Variants in ABCB1 observed in about 807,000 individuals in gnomAD.
ABCB1 encodes the protein ATP-dependent translocase ABCB1.
In ABCB1, 69 loss-of-function variants were observed where a neutral mutation model predicts 142.0. That is an observed-to-expected ratio of 0.49 (90% confidence interval 0.40 to 0.59). The LOEUF is 0.59. ABCB1 is among the 20% of genes least tolerant of loss of function. The pLI is 0.00. For synonymous variants in ABCB1, 532 were observed against 539.2 expected (o/e 0.99, Z 0.18); for missense variants, 1,326 against 1,554.7 (o/e 0.85, Z 2.47).
At chr7:87,516,067 G>A (rs1168288012) in intron 24 of ABCB1, among the ~76,000 whole-genome samples, 4 of 151,992 alleles carry the variant, frequency 2.6e-5, no homozygotes, top group East Asian at 3.9e-4. Context: ...GCAACATAAC[G>A]AGACCCTGTC....
chr7:87,551,357 TGAGGAGATAGATATGTTAATTAGCTTGC>T (rs1817057322), intron 9 of ABCB1, among the ~76,000 whole-genome samples: 1 of 152,236 alleles, frequency 6.6e-6, no homozygotes, highest in Admixed American at 6.5e-5. Flanking sequence ...AGGTGTCAAG[TGAGGAGATAGATATGTTAATTAGCTTGC>T]TCTGATCACT....
At chr7:87,710,536 T>A in intron 1 of ABCB1, 2 of 1,326,300 alleles carry the variant, frequency 1.5e-6, no homozygotes, top group South Asian at 2.7e-5. Flanking sequence ...TTTTTTAATT[T>A]TTTTTATATT....
intron 4 of ABCB1, among the ~76,000 whole-genome samples, chr7:87,583,306 A>G (rs547156394): frequency 6.6e-6 from 1 of 152,290 alleles, no homozygotes; most frequent in East Asian, 1.9e-4. Flanking sequence ...AATTCCCTAA[A>G]CCTCAAAATT....
At chr7:87,694,752 TGGAAG>T (rs1828347074) in intron 1 of ABCB1, among the ~76,000 whole-genome samples, 1 of 152,030 alleles carries the variant, frequency 6.6e-6, no homozygotes, top group Non-Finnish European at 1.5e-5. Context: ...ATAATGCTGG[TGGAAG>T]GGAAAAAACA....
chr7:87,593,138 G>A lies in ABCB1; in HGVS notation c.117+2628C>T, dbSNP rs146393900. Among the ~76,000 whole-genome samples, 376 of 152,150 alleles carry A rather than the reference G, an allele frequency of 2.5e-3. 2 individuals carry two copies. Among genetic ancestry groups the A allele is most frequent in the Non-Finnish European group, 3.7e-3 (249 of 67,996 alleles). Reference sequence around the variant, plus strand: ...GACAGGGTTTTGTCATGTTGCCCAGGCTGGTCTTGAACTTCAGGGCTCTAG... The same window carrying A: ...GACAGGGTTTTGTCATGTTGCCCAGACTGGTCTTGAACTTCAGGGCTCTAG... On this transcript the variant is annotated intron_variant, in intron 3 of 27. Coordinates refer to ENST00000622132, the MANE Select transcript of ABCB1 (RefSeq NM_001348946.2).
At chr7:87,570,363 A>G in intron 4 of ABCB1, 140 bp from the exon 5 acceptor site, 1 of 832,580 alleles carries the variant, frequency 1.2e-6, no homozygotes. Flanking sequence ...AATTGTGTGT[A>G]AGCATTATGG....
intron 3 of ABCB1, among the ~76,000 whole-genome samples, chr7:87,590,620 A>C (rs1818962541): frequency 6.6e-6 from 1 of 152,234 alleles, no homozygotes; most frequent in Non-Finnish European, 1.5e-5. Flanking sequence ...AAAGGTACTT[A>C]GGTAAAAACC....
intron 14 of ABCB1, among the ~76,000 whole-genome samples, chr7:87,549,014 T>G (rs1356170026): frequency 1.3e-5 from 2 of 152,208 alleles, no homozygotes; most frequent in South Asian, 4.1e-4. Context: ...AACAGGGTTA[T>G]CCACATAGTC....
In ABCB1 at chr7:87,633,930, T is replaced by A. The variant is rs563897831; in HGVS notation, c.-330-32852A>T. Among the ~76,000 whole-genome samples, 32 of 152,302 alleles carry A rather than the reference T, an allele frequency of 2.1e-4. No homozygotes were observed. In the East Asian group the frequency reaches 2.3e-3, roughly 11 times the overall value. On this transcript the variant is annotated intron_variant, in intron 1 of 28. Transcript: ENST00000265724. Reference sequence around the variant, plus strand: ...AAAAGAGGTTTATTTAGCTAACAGTTCTGTAGGTTGTACAAAAACCGTGGC... The same window carrying A: ...AAAAGAGGTTTATTTAGCTAACAGTACTGTAGGTTGTACAAAAACCGTGGC...
chr7:87,546,906 CT>C (rs990005714), intron 14 of ABCB1, among the ~76,000 whole-genome samples: 1 of 152,156 alleles, frequency 6.6e-6, no homozygotes, highest in African/African-American at 2.4e-5. Context: ...GTATTTACTT[CT>C]TAGAGTAGTT....
chr7:87,681,831 C>T (rs1563129669), intron 1 of ABCB1, among the ~76,000 whole-genome samples: 1 of 152,126 alleles, frequency 6.6e-6, no homozygotes, highest in African/African-American at 2.4e-5. Flanking sequence ...AGCAAGACCC[C>T]ATCTCAACAA....
rs1017877229 is a variant in ABCB1, at chr7:87,509,401, G to C, written c.3363C>G (p.Ile1121Met). ...TCTCAGCAATGCTGCAGTCAAACAG[G>C]ATGGGCTCCTGGGACACGATGCCCA... ...AHLGIVSQEP[I>M]LFDCSIAENI... is the part of the protein sequence containing the mutation. Residue 1121 changes from isoleucine (I) to methionine (M), a missense_variant, in exon 26 of 28, where the codon ATC (isoleucine) becomes ATG (methionine). Physicochemically the swap from Ile to Met is conservative, Grantham distance 10. Transcript: ENST00000622132. 1 of 1,614,178 alleles carries C rather than the reference G, an allele frequency of 6.2e-7. No individual in the cohort carries two copies. Among genetic ancestry groups the C allele is most frequent in the Non-Finnish European group, 8.5e-7 (1 of 1,180,030 alleles).
chr7:87,598,653 T>C (rs1819311283), intron 2 of ABCB1, among the ~76,000 whole-genome samples: 1 of 152,190 alleles, frequency 6.6e-6, no homozygotes, highest in South Asian at 2.1e-4. Context: ...TTTCTCTACC[T>C]CTCACACTTT....
intron 27 of ABCB1, among the ~76,000 whole-genome samples, chr7:87,505,311 T>C (rs1814685530): frequency 6.6e-6 from 1 of 152,078 alleles, no homozygotes; most frequent in Admixed American, 6.6e-5. Context: ...TAAATACAGT[T>C]CACTGACTCA....
chr7:87,514,502 C>CA, intron 25 of ABCB1, among the ~76,000 whole-genome samples: 1 of 151,942 alleles, frequency 6.6e-6, no homozygotes. Flanking sequence ...GTTGATTCTA[C>CA]TTTTTTTTCC....
intron 1 of ABCB1, among the ~76,000 whole-genome samples, chr7:87,656,690 A>G (rs1209615278): frequency 1.3e-5 from 2 of 152,098 alleles, no homozygotes; most frequent in Non-Finnish European, 2.9e-5. Flanking sequence ...TTTAAAAAAA[A>G]CCTAATTATT....
chr7:87,510,653 T>G (rs1012711818), intron 25 of ABCB1, among the ~76,000 whole-genome samples: 6 of 152,232 alleles, frequency 3.9e-5, no homozygotes, highest in African/African-American at 1.4e-4. Context: ...TGTGCCTGGC[T>G]GGGTGGCTCA....
intron 3 of ABCB1, among the ~76,000 whole-genome samples, chr7:87,590,445 A>C (rs1485234975): frequency 2.6e-5 from 4 of 152,240 alleles, no homozygotes; most frequent in Admixed American, 6.5e-5. Context: ...AAAGCCATAC[A>C]TGGTATGACA....
At position 87,561,353 on chromosome 7, in the gene ABCB1, G is replaced by A. The variant is rs201722148; in HGVS notation, c.737C>T (p.Ala246Val). ...AGCTACTGCTCCAGCTTTTGCATAC[G>A]CTAAGAGTTCTTTATCAGTAAATGA... Reference protein sequence around the residue: ...LSSFTDKELLAYAKAGAVAEE... With the variant: ...LSSFTDKELLVYAKAGAVAEE... Residue 246 changes from alanine to valine, a missense_variant, in exon 8 of 28, where the codon GCG (alanine) becomes GTG (valine). Coordinates refer to ENST00000622132, the MANE Select transcript of ABCB1 (RefSeq NM_001348946.2). 188 of 1,613,366 alleles carry A rather than the reference G, an allele frequency of 1.2e-4. 2 individuals are homozygous for A. The highest frequency in any genetic ancestry group is 9.0e-4 in the South Asian group (82 of 91,044).
Sources: gnomAD v4.1 joint callset for allele counts (sites outside exome capture counted in the v4.1 genomes callset) on GRCh38, gnomAD v4.1.1 for gene constraint, MANE v1.5 for transcripts, NCBI Gene and HGNC (gene_info 2026-07-23, HGNC 2026-07-21) for gene names.